FAT3: variants seen among roughly 807,000 people sequenced by gnomAD.
FAT3 encodes protocadherin Fat 3.
Under a neutral mutation model 310.2 loss-of-function variants are expected in FAT3, and 95 were observed. The observed-to-expected ratio is 0.31, with a 90% confidence interval of 0.26 to 0.36. The LOEUF is 0.36. Ranked by LOEUF, FAT3 falls within the 10% of genes least tolerant of loss-of-function variation. The pLI, the probability that FAT3 is intolerant of heterozygous loss-of-function variation, is 1.00. For missense variants in FAT3, 5,408 were observed against 5,715.6 expected (o/e 0.95, Z 1.74); for synonymous variants, 2,314 against 2,192.9 (o/e 1.06, Z -1.54).
In FAT3 at chr11:92,354,421, C is replaced by G; in HGVS notation, c.2309C>G (p.Thr770Arg). 1.9e-6 allele frequency: 3 copies of G among 1,613,832 alleles called. No individual in the cohort carries two copies. In the South Asian group the frequency reaches 3.3e-5, roughly 18 times the overall value. Residue 770 changes from threonine to arginine, a missense_variant, in exon 2 of 28, where the codon ACG becomes AGG. By Grantham distance (71) the Thr-to-Arg change is moderately conservative (BLOSUM62 -1). This residue lies in a region of FAT3 where 4,588 missense variants were observed against 4,809.8 expected (regional missense o/e 0.95). Coordinates refer to ENST00000525166, the MANE Select transcript of FAT3 (RefSeq NM_001367949.2). ...KVLFTISDGN[T>R]DSCFNIDMET... ...CTATTTACAATATCAGATGGAAATA[C>G]GGATAGTTGCTTTAATATTGATATG...
At chr11:92,227,408 C>G (rs1863966417) in intron 1 of FAT3, among the ~76,000 whole-genome samples, 1 of 152,100 alleles carries the variant, frequency 6.6e-6, no homozygotes, top group Non-Finnish European at 1.5e-5. Flanking sequence ...GACAGAGAAG[C>G]GGCCAGAAAG....
chr11:92,519,373 A>G (rs1953607571), intron 2 of FAT3, among the ~76,000 whole-genome samples: 2 of 152,160 alleles, frequency 1.3e-5, no homozygotes, highest in Admixed American at 6.6e-5. Flanking sequence ...ATCTTTCACC[A>G]TAAAGAAAAC....
At chr11:92,859,741 AG>A (rs1949075508) in intron 21 of FAT3, among the ~76,000 whole-genome samples, 1 of 152,156 alleles carries the variant, frequency 6.6e-6, no homozygotes, top group African/African-American at 2.4e-5. Flanking sequence ...AATTGGAGAC[AG>A]GGGGTATAGG....
intron 2 of FAT3, among the ~76,000 whole-genome samples, chr11:92,424,250 G>A (rs1043752413): frequency 3.9e-5 from 6 of 152,032 alleles, no homozygotes; most frequent in Non-Finnish European, 7.4e-5. Flanking sequence ...ACAAAAAGGG[G>A]TTGATGTCTC....
chr11:92,342,386 T>C (rs368281526), intron 1 of FAT3, among the ~76,000 whole-genome samples: 9 of 152,316 alleles, frequency 5.9e-5, no homozygotes, highest in African/African-American at 1.9e-4. Context: ...AGGTCCTCTA[T>C]CTTCTGCTTT....
rs570123938 is a variant in FAT3, at chr11:92,890,774, A to T, written c.13431A>T (p.Thr4477=). 3.1e-6 allele frequency: 5 copies of T among 1,613,740 alleles called. No homozygotes were observed. The highest frequency in any genetic ancestry group is 4.2e-6 in the Non-Finnish European group (5 of 1,179,850). ...PPSQPVSLAS[T]LSPDCRRRPQ... ...CCCAGCCTGTCTCCCTGGCCAGCAC[A>T]CTGAGCCCAGACTGCAGGAGAAGGC... The change falls in exon 28 of 28, where the codon ACA becomes ACT. Residue 4477 remains threonine (T), a synonymous_variant. Coordinates refer to ENST00000525166, the MANE Select transcript of FAT3 (RefSeq NM_001367949.2).
intron 4 of FAT3, 48 bp from the exon 5 acceptor site, chr11:92,761,808 G>A (rs2136082933): frequency 1.9e-6 from 3 of 1,549,196 alleles, no homozygotes; most frequent in Non-Finnish European, 2.6e-6. Flanking sequence ...ACATGTAATA[G>A]CAAGAATAAT....
chr11:92,522,642 A>G, intron 2 of FAT3, among the ~76,000 whole-genome samples: 1 of 152,296 alleles, frequency 6.6e-6, no homozygotes, highest in Non-Finnish European at 1.5e-5. Flanking sequence ...CTGGTTGGAC[A>G]GAGGATTTGT....
chr11:92,824,934 G>A (rs976018740), intron 13 of FAT3, among the ~76,000 whole-genome samples: 3 of 152,096 alleles, frequency 2.0e-5, no homozygotes, highest in Admixed American at 6.5e-5. Context: ...ATGACCGTGG[G>A]ATGATGGATT....
At chr11:92,478,936 CTTTCTTTCTTTCTTTCTTTTCT>C (rs1234808053) in intron 2 of FAT3, among the ~76,000 whole-genome samples, 9 of 88,534 alleles carry the variant, frequency 1.0e-4, no homozygotes, top group Admixed American at 7.7e-4. Flanking sequence ...CTTTCCTTCT[CTTTCTTTCTTTCTTTCTTTTCT>C]TTTCTTTTCT....
At chr11:92,874,727 CG>C (rs1230580040) in intron 22 of FAT3, among the ~76,000 whole-genome samples, 1 of 152,084 alleles carries the variant, frequency 6.6e-6, no homozygotes, top group Non-Finnish European at 1.5e-5. Flanking sequence ...TTAGTAGAGA[CG>C]GGGTTTCACC....
rs535039570 is a variant in FAT3, at chr11:92,771,539, C to T, written c.4196-2502C>T. ...TGTTTTACATTAAATCTTAGTTTAA[C>T]TAGGAGCAAATGTCCTGGAAATGAG... On this transcript the variant is annotated intron_variant, in intron 6 of 27. Transcript: ENST00000525166. Among the ~76,000 whole-genome samples, 6 of 152,216 alleles carry T rather than the reference C, an allele frequency of 3.9e-5. No homozygotes were observed. The South Asian group carries it at 1.0e-3, about 26-fold the overall frequency.
rs4753069 is a variant in FAT3, at chr11:92,857,282, A to G, written c.11434A>G (p.Ser3812Gly). ...KPCPGDMQCV[S>G]YEASRRPFLC... ...GTGTCCAGGGGACATGCAGTGTGTCAGTTATGAAGCCAGCAGGAGACCGTT... is the reference window on the plus strand; with the variant it reads ...GTGTCCAGGGGACATGCAGTGTGTCGGTTATGAAGCCAGCAGGAGACCGTT... The change falls in exon 20 of 28, where the codon AGT becomes GGT. Residue 3812 changes from serine to glycine, a missense_variant. Ser to Gly is a moderately conservative substitution (Grantham distance 56). Around this residue, in one of 5 missense-constraint regions of FAT3, gnomAD observed 4,588 missense variants for 4,809.8 expected, o/e 0.95. Transcript: ENST00000525166. 0.81 allele frequency: 1,299,217 copies of G among 1,613,818 alleles called. 525,060 individuals carry two copies. Among genetic ancestry groups the G allele is most frequent in the Middle Eastern group, 0.92 (5,548 of 6,062 alleles).
chr11:92,748,707 TCTGGTTTATTTCTTAATACCA>T (rs1945743258), intron 4 of FAT3: 1 of 152,198 alleles, frequency 6.6e-6, no homozygotes, highest in African/African-American at 2.4e-5. Context: ...CCTATCCATC[TCTGGTTTATTTCTTAATACCA>T]AATCATAGGT....
chr11:92,874,654 C>T (rs1949485095), intron 22 of FAT3, among the ~76,000 whole-genome samples: 1 of 152,214 alleles, frequency 6.6e-6, no homozygotes, highest in African/African-American at 2.4e-5. Context: ...ATTCTCCTGC[C>T]TCAGCCTCCC....
chr11:92,794,239 T>C (rs1313094606), intron 9 of FAT3, among the ~76,000 whole-genome samples: 2 of 152,134 alleles, frequency 1.3e-5, no homozygotes, highest in Non-Finnish European at 2.9e-5. Flanking sequence ...CCACAAATAA[T>C]ATAAGGAAAC....
chr11:92,412,732 T>TATATATACACAC lies in FAT3; in HGVS notation c.3292+57335_3292+57336insCACACATATATA, dbSNP rs1565296340. Among the ~76,000 whole-genome samples the TATATATACACAC allele has an allele frequency of 2.3e-3, 42 of 17,946 alleles. 4 individuals are homozygous for TATATATACACAC. Among genetic ancestry groups the TATATATACACAC allele is most frequent in the Non-Finnish European group, 6.3e-3 (36 of 5,706 alleles). The allele number at this position is 17,946 out of a possible 152,430, so 11.8% of individuals were successfully genotyped here. Reference sequence around the variant, plus strand: ...ATATATATATATATATATATATATATATATATATATATAAATATACATACA... The same window carrying TATATATACACAC: ...ATATATATATATATATATATATATATATATATACACACATATATATATATAAATATACATACA... On this transcript the variant is annotated intron_variant, in intron 2 of 27. Transcript: ENST00000525166.
intron 2 of FAT3, among the ~76,000 whole-genome samples, chr11:92,448,329 T>A (rs745354763): frequency 1.3e-5 from 2 of 152,194 alleles, no homozygotes; most frequent in South Asian, 4.1e-4. Context: ...TCTGAACTTA[T>A]GTGCATTTCT....
chr11:92,267,617 C>T (rs1330514280), intron 1 of FAT3, among the ~76,000 whole-genome samples: 1 of 151,708 alleles, frequency 6.6e-6, no homozygotes, highest in East Asian at 1.9e-4. Context: ...AGAAAATGAT[C>T]TACCAGTTAG....
Sources: gnomAD v4.1 joint callset for allele counts (sites outside exome capture counted in the v4.1 genomes callset) on GRCh38, gnomAD v4.1.1 for gene constraint, gnomAD v4.1.1 regional missense constraint, MANE v1.5 for transcripts, NCBI Gene and HGNC (gene_info 2026-07-23, HGNC 2026-07-21) for gene names.